Variants in MECOM observed in about 807,000 individuals in gnomAD.
MECOM encodes the protein histone-lysine N-methyltransferase MECOM.
Under a neutral mutation model 116.3 loss-of-function variants are expected in MECOM, and 13 were observed. The ratio of observed to expected loss-of-function variants is 0.11; its 90% CI spans 0.07 to 0.18. The LOEUF is 0.18. Among genes scored for constraint, MECOM ranks in the 10% least tolerant of loss-of-function variants. MECOM has a pLI of 1.00. For missense variants in MECOM, 1,299 were observed against 1,509.0 expected, an observed-to-expected ratio of 0.86 and a Z score of 2.31; for synonymous variants, 528 against 535.2, an observed-to-expected ratio of 0.99 and a Z score of 0.19.
chr3:169,363,110 TA>T (rs1728576545), intron 2 of MECOM, among the ~76,000 whole-genome samples: 1 of 151,916 alleles, frequency 6.6e-6, no homozygotes, highest in Non-Finnish European at 1.5e-5. Flanking sequence ...CAAAACTTCA[TA>T]TTAATATTCT....
At chr3:169,341,419 G>T (rs1208482805) in intron 2 of MECOM, among the ~76,000 whole-genome samples, 2 of 141,084 alleles carry the variant, frequency 1.4e-5, no homozygotes, top group Admixed American at 1.5e-4. Context: ...AGGTGGAGAG[G>T]GTTAATAGGT....
At chr3:169,543,008 A>G (rs1053394287) in intron 1 of MECOM, among the ~76,000 whole-genome samples, 16 of 152,368 alleles carry the variant, frequency 1.1e-4, no homozygotes, top group African/African-American at 3.8e-4. Flanking sequence ...TCAACATGGG[A>G]TATTTGAAAT....
In MECOM at chr3:169,381,330, C is replaced by T. The variant is rs1732348982; in HGVS notation, c.232G>A (p.Ala78Thr). The T allele has an allele frequency of 6.2e-7, 1 of 1,613,802 alleles. No homozygotes were observed. Residue 78 changes from alanine to threonine, a missense_variant, in exon 2 of 17, where the codon GCT (alanine) becomes ACT (threonine). Physicochemically the swap from Ala to Thr is moderately conservative, Grantham distance 58. Coordinates refer to ENST00000651503, the MANE Select transcript of MECOM (RefSeq NM_004991.4). Reference protein sequence around the residue: ...IYIPDDIPIPAEFELRESNMP... With the variant: ...IYIPDDIPIPTEFELRESNMP... ...TTTGACTCTCGAAGTTCAAACTCAG[C>T]AGGAATGGGGATATCATCAGGGATG...
intron 2 of MECOM, among the ~76,000 whole-genome samples, chr3:169,340,941 T>C (rs968246534): frequency 2.6e-5 from 4 of 152,188 alleles, no homozygotes; most frequent in Admixed American, 6.5e-5. Context: ...AGGTGGAACA[T>C]TAAAAAATCT....
At chr3:169,508,890 G>T (rs958116194) in intron 1 of MECOM, among the ~76,000 whole-genome samples, 1 of 151,860 alleles carries the variant, frequency 6.6e-6, no homozygotes, top group Non-Finnish European at 1.5e-5. Context: ...AAACATATTC[G>T]TCTTATTCTT....
chr3:169,537,141 T>C (rs1759470399), intron 1 of MECOM, among the ~76,000 whole-genome samples: 1 of 152,190 alleles, frequency 6.6e-6, no homozygotes, highest in Admixed American at 6.5e-5. Context: ...AATACTAAAA[T>C]GTGAAAGAAC....
At chr3:169,123,045 C>T (rs1731555490) in intron 5 of MECOM, among the ~76,000 whole-genome samples, 1 of 151,982 alleles carries the variant, frequency 6.6e-6, no homozygotes, top group South Asian at 2.1e-4. Context: ...GGATTCACTA[C>T]ACAATTCTAA....
intron 2 of MECOM, among the ~76,000 whole-genome samples, chr3:169,305,908 A>C (rs924350761): frequency 3.3e-5 from 5 of 151,862 alleles, no homozygotes; most frequent in Middle Eastern, 6.8e-3. Context: ...AATGGCAGTT[A>C]TTGGGAATGT....
chr3:169,573,624 C>CT (rs1443976400), intron 1 of MECOM, among the ~76,000 whole-genome samples: 1 of 152,094 alleles, frequency 6.6e-6, no homozygotes, highest in African/African-American at 2.4e-5. Flanking sequence ...TTCTACATTG[C>CT]TTTTATCTAT....
chr3:169,232,886 C>A (rs189888299), intron 2 of MECOM, among the ~76,000 whole-genome samples: 3 of 151,996 alleles, frequency 2.0e-5, no homozygotes, highest in Non-Finnish European at 2.9e-5. Context: ...TTATAAGCAG[C>A]CTTTTCATGT....
chr3:169,374,156 T>C (rs1453081906), intron 2 of MECOM, among the ~76,000 whole-genome samples: 1 of 151,512 alleles, frequency 6.6e-6, no homozygotes, highest in African/African-American at 2.4e-5. Context: ...TCTCTCTCTC[T>C]CCACCTGCCC....
intron 2 of MECOM, among the ~76,000 whole-genome samples, chr3:169,297,715 A>T (rs1394749756): frequency 6.6e-6 from 1 of 152,214 alleles, no homozygotes; most frequent in African/African-American, 2.4e-5. Flanking sequence ...AGCTTAGCTT[A>T]AGAGGAAAGA....
intron 1 of MECOM, among the ~76,000 whole-genome samples, chr3:169,622,807 G>A (rs1474359736): frequency 6.6e-6 from 1 of 152,186 alleles, no homozygotes; most frequent in Non-Finnish European, 1.5e-5. Context: ...TAATATAGTG[G>A]TTAAGTGCAG....
chr3:169,367,644 A>G (rs767340126), intron 2 of MECOM, among the ~76,000 whole-genome samples: 41 of 151,984 alleles, frequency 2.7e-4, no homozygotes, highest in Non-Finnish European at 5.6e-4. Context: ...GGATTAGATT[A>G]AGAAGTATCA....
chr3:169,339,340 G>C (rs1312922734), intron 2 of MECOM, among the ~76,000 whole-genome samples: 2 of 152,176 alleles, frequency 1.3e-5, no homozygotes, highest in South Asian at 4.1e-4. Flanking sequence ...TCAGAAACTC[G>C]GGGATGGGGC....
chr3:169,339,682 G>A (rs1724159910), intron 2 of MECOM, among the ~76,000 whole-genome samples: 1 of 152,052 alleles, frequency 6.6e-6, no homozygotes, highest in South Asian at 2.1e-4. Context: ...AGAAGCACTG[G>A]TCTAGTGAAT....
chr3:169,191,766 GAAA>G (rs1559973917), intron 2 of MECOM, among the ~76,000 whole-genome samples: 6 of 133,288 alleles, frequency 4.5e-5, no homozygotes, highest in Non-Finnish European at 9.6e-5. Flanking sequence ...AAGAAAGAAA[GAAA>G]GAAAGAAAGA....
intron 2 of MECOM, among the ~76,000 whole-genome samples, chr3:169,282,305 A>C (rs1712234789): frequency 1.3e-5 from 2 of 152,176 alleles, no homozygotes; most frequent in Admixed American, 1.3e-4. Flanking sequence ...CAAGCAAGTA[A>C]GCAATATGCA....
intron 2 of MECOM, among the ~76,000 whole-genome samples, chr3:169,275,575 C>A (rs1432087958): frequency 6.6e-6 from 1 of 152,142 alleles, no homozygotes; most frequent in African/African-American, 2.4e-5. Context: ...ACGCAAATGG[C>A]AATTTAAAAT....
Sources: allele counts gnomAD v4.1 joint callset (sites outside exome capture counted in the v4.1 genomes callset), GRCh38; gene constraint gnomAD v4.1.1; transcripts MANE v1.5; gene names NCBI Gene and HGNC (gene_info 2026-07-23, HGNC 2026-07-21).